The following EYA2 variants were observed in gnomAD, a reference collection of about 807,000 sequenced individuals.
EYA2 encodes the protein protein phosphatase EYA2.
EYA2 carries 31 observed loss-of-function variants against 69.2 expected under a neutral mutation model. The ratio of observed to expected loss-of-function variants is 0.45; its 90% CI spans 0.34 to 0.60. The LOEUF (loss-of-function observed/expected upper bound fraction) is 0.60. Among genes scored for constraint, EYA2 ranks in the 20% least tolerant of loss-of-function variants. The pLI is 0.02. For missense variants in EYA2, 622 were observed against 701.2 expected, an observed-to-expected ratio of 0.89 and a Z score of 1.28; for synonymous variants, 257 against 279.4, an observed-to-expected ratio of 0.92 and a Z score of 0.80.
intron 9 of EYA2, among the ~76,000 whole-genome samples, chr20:47,100,809 A>C (rs2032402499): frequency 6.6e-6 from 1 of 152,228 alleles, no homozygotes. Flanking sequence ...CTTCAGAGAG[A>C]CCCAAAATAA....
intron 1 of EYA2, among the ~76,000 whole-genome samples, chr20:46,916,979 T>G (rs1984936974): frequency 6.6e-6 from 1 of 152,118 alleles, no homozygotes; most frequent in Non-Finnish European, 1.5e-5. Context: ...AGAACAAGGC[T>G]CAGTTTATTT....
At chr20:47,172,680 A>G (rs760888486) in intron 11 of EYA2, 27 bp from the exon 12 acceptor site, 6 of 1,586,530 alleles carry the variant, frequency 3.8e-6, no homozygotes, top group Non-Finnish European at 5.1e-6. Context: ...CTGCACTAAC[A>G]CTGTCCCTCC....
At chr20:47,037,272 T>C (rs1311979160) in intron 5 of EYA2, among the ~76,000 whole-genome samples, 1 of 152,142 alleles carries the variant, frequency 6.6e-6, no homozygotes, top group Non-Finnish European at 1.5e-5. Flanking sequence ...TAATTCAAGA[T>C]GAGATTTGGG....
At position 46,976,776 on chromosome 20, in the gene EYA2, T is replaced by C. The variant is rs77884876; in HGVS notation, c.-10-13225T>C. 2.7e-3 allele frequency among the ~76,000 whole-genome samples: 404 copies of C among 152,078 alleles called. 6 individuals carry two copies. Among genetic ancestry groups the C allele is most frequent in the African/African-American group, 8.9e-3 (371 of 41,568 alleles). On this transcript the variant is annotated intron_variant, in intron 1 of 15. Transcript: ENST00000327619. Reference sequence around the variant, plus strand: ...GGGACATTCCGTGGGGAATATAGATTGGACTCACCGCTCTGAGGAGCGACA... The same window carrying C: ...GGGACATTCCGTGGGGAATATAGATCGGACTCACCGCTCTGAGGAGCGACA...
chr20:47,123,401 G>A (rs955398650), intron 9 of EYA2, among the ~76,000 whole-genome samples: 1 of 152,076 alleles, frequency 6.6e-6, no homozygotes, highest in South Asian at 2.1e-4. Flanking sequence ...GTCCACGCAC[G>A]TTTATGTCTT....
At chr20:46,910,670 C>T (rs1025818181) in intron 1 of EYA2, among the ~76,000 whole-genome samples, 1 of 152,182 alleles carries the variant, frequency 6.6e-6, no homozygotes, top group African/African-American at 2.4e-5. Flanking sequence ...GCTTTTGCTC[C>T]CGTTGCTGCC....
intron 1 of EYA2, among the ~76,000 whole-genome samples, chr20:46,986,419 A>ATATATAATATATAAATCTATATAATATC (rs1568705353): frequency 1.4e-5 from 2 of 142,180 alleles, no homozygotes; most frequent in African/African-American, 5.3e-5. Context: ...TATAATATCT[A>ATATATAATATATAAATCTATATAATATC]TATATATAAT....
At chr20:47,001,277 G>A in intron 2 of EYA2, 151 bp from the exon 3 acceptor site, 1 of 704,396 alleles carries the variant, frequency 1.4e-6, no homozygotes, top group African/African-American at 1.7e-5. Context: ...GTGCTGAGAT[G>A]TGGCGCCTCA....
At chr20:46,993,058 G>A (rs910530011) in intron 2 of EYA2, among the ~76,000 whole-genome samples, 8 of 152,192 alleles carry the variant, frequency 5.3e-5, no homozygotes, top group Non-Finnish European at 1.2e-4. Context: ...ATGGAGCCAA[G>A]AAGCCCCCCA....
chr20:47,137,307 CAG>C lies in EYA2; in HGVS notation c.889-5750_889-5749del, dbSNP rs565587260. Among the ~76,000 whole-genome samples, 23 of 152,212 alleles carry C rather than the reference CAG, an allele frequency of 1.5e-4. No homozygotes were observed. The East Asian group carries it at 4.2e-3, about 28-fold the overall frequency. ...ATGTGGGGTCTTCCTGCTGGGTTCGCAGAAACGATTCTTTGCTTAAAGGCTCA... is the reference window on the plus strand; with the variant it reads ...ATGTGGGGTCTTCCTGCTGGGTTCGCAAACGATTCTTTGCTTAAAGGCTCA... On this transcript the variant is annotated intron_variant, in intron 9 of 15. Coordinates refer to ENST00000327619, the MANE Select transcript of EYA2 (RefSeq NM_005244.5).
At chr20:47,135,844 AACAAACAAAC>A (rs1384201309) in intron 9 of EYA2, among the ~76,000 whole-genome samples, 2,493 of 75,540 alleles carry the variant, frequency 0.033, 338 homozygotes, top group African/African-American at 0.27. Context: ...AAAAAAAACA[AACAAACAAAC>A]AAAAAACTAA....
chr20:46,982,314 C>T (rs912717420), intron 1 of EYA2, among the ~76,000 whole-genome samples: 8 of 152,134 alleles, frequency 5.3e-5, no homozygotes, highest in African/African-American at 1.7e-4. Context: ...TGAGAAGCTG[C>T]TTCTCAGTCT....
intron 5 of EYA2, among the ~76,000 whole-genome samples, chr20:47,061,679 G>C (rs536675108): frequency 3.3e-5 from 5 of 152,328 alleles, no homozygotes; most frequent in Admixed American, 1.3e-4. Flanking sequence ...GAGAAAAAGT[G>C]AGACATGTTT....
chr20:47,029,723 T>C lies in EYA2; in HGVS notation c.415+13426T>C, dbSNP rs151322272. 1.6e-3 allele frequency among the ~76,000 whole-genome samples: 238 copies of C among 152,368 alleles called. 1 individual carries two copies. Among genetic ancestry groups the C allele is most frequent in the African/African-American group, 5.5e-3 (230 of 41,592 alleles). The stretch of plus-strand genomic sequence containing the variant: ...CTACTCACTAAGTTTTTATAACACT[T>C]CTTCCAAGTTTCATTCACCCCATCT... On this transcript the variant is annotated intron_variant, in intron 5 of 15. Transcript: ENST00000327619.
intron 5 of EYA2, among the ~76,000 whole-genome samples, chr20:47,032,352 C>T (rs939540839): frequency 3.3e-5 from 5 of 151,882 alleles, no homozygotes; most frequent in African/African-American, 1.2e-4. Flanking sequence ...GCAGCTTAGC[C>T]CCCTAGTCCT....
rs143799162 is a variant in EYA2, at chr20:47,094,076, G to A, written c.805-3009G>A. Among the ~76,000 whole-genome samples, 1,041 of 152,324 alleles carry A rather than the reference G, an allele frequency of 6.8e-3. 12 individuals are homozygous for A. Among genetic ancestry groups the A allele is most frequent in the African/African-American group, 0.024 (994 of 41,570 alleles). The stretch of plus-strand genomic sequence containing the variant: ...CTGGTCTGCACCATGATGGCCTAGG[G>A]AATAGGGTCACCTGCAGAATGGCCA... On this transcript the variant is annotated intron_variant, in intron 8 of 15. Coordinates refer to ENST00000327619, the MANE Select transcript of EYA2 (RefSeq NM_005244.5).
chr20:46,996,013 T>A (rs952842228), intron 2 of EYA2, among the ~76,000 whole-genome samples: 2 of 152,212 alleles, frequency 1.3e-5, no homozygotes, highest in Non-Finnish European at 2.9e-5. Context: ...AGATTTAAAT[T>A]TGGATCTGAC....
In EYA2 at chr20:47,078,327, G is replaced by GCACACACACACACACA. The variant is rs1249113834; in HGVS notation, c.661+3993_661+3994insACACACACACACACAC. 1.3e-3 allele frequency among the ~76,000 whole-genome samples: 102 copies of GCACACACACACACACA among 78,088 alleles called. No individual in the cohort carries two copies. The East Asian group carries it at 0.018, about 14-fold the overall frequency. 51.2% of individuals were successfully genotyped at this position (78,088 alleles called of 152,430 possible). A position where few individuals can be genotyped will look rare whatever the true frequency, so the allele number is the denominator to read the frequency against. The stretch of plus-strand genomic sequence containing the variant: ...TGTGCACATGTGCACGTGCGCGCGC[G>GCACACACACACACACA]CGCGCACACACACACACACACACAC... On this transcript the variant is annotated intron_variant, in intron 7 of 15. Transcript: ENST00000327619.
chr20:47,001,562 A>G, intron 3 of EYA2, 89 bp downstream of exon 3: 1 of 1,362,262 alleles, frequency 7.3e-7, no homozygotes, highest in African/African-American at 1.4e-5. Context: ...CCCTGGAGCC[A>G]GATTCCCTGG....
Sources: allele counts gnomAD v4.1 joint callset (sites outside exome capture counted in the v4.1 genomes callset), GRCh38; gene constraint gnomAD v4.1.1; transcripts MANE v1.5; gene names NCBI Gene and HGNC (gene_info 2026-07-23, HGNC 2026-07-21).